The following CFHR3 variants were observed in gnomAD, a reference collection of about 807,000 sequenced individuals.
The protein encoded by CFHR3 is complement factor H-related protein 3.
Under a neutral mutation model 36.0 loss-of-function variants are expected in CFHR3, and 22 were observed. The ratio of observed to expected loss-of-function variants is 0.61; its 90% CI spans 0.44 to 0.87. The LOEUF (loss-of-function observed/expected upper bound fraction) is 0.87, where lower values mean the gene tolerates loss of function less well. Among genes scored for constraint, CFHR3 ranks in the 40% least tolerant of loss-of-function variants. The pLI, the probability that CFHR3 is intolerant of heterozygous loss-of-function variation, is 0.00. For synonymous variants in CFHR3, 97 were observed against 137.4 expected (o/e 0.71, Z 2.06); for missense variants, 276 against 401.3 (o/e 0.69, Z 2.67).
At chr1:196,779,445 T>C in intron 2 of CFHR3, 89 bp downstream of exon 2, 2 of 1,070,860 alleles carry the variant, frequency 1.9e-6, no homozygotes, top group East Asian at 2.4e-5. Context: ...TTGTCTTATG[T>C]AACAGAAATA....
rs1470687209 is a variant in CFHR3, at chr1:196,780,059, T to C, written c.430+86T>C. 4 of 1,471,448 alleles carry C rather than the reference T, an allele frequency of 2.7e-6. 1 individual carries two copies. The African/African-American group carries it at 5.1e-5, about 19-fold the overall frequency. The allele number at this position is 1,471,448 out of a possible 1,614,324, so 91.1% of individuals were successfully genotyped here. On this transcript the variant is annotated intron_variant, in intron 3 of 5. Transcript: ENST00000367425. ...GTCTCAGACTTGTCTATATTAACTG[T>C]GGCAAAATGTTTTTGTCAACTTGTT...
chr1:196,786,700 CGT>C (rs765048155), intron 3 of CFHR3, among the ~76,000 whole-genome samples: 3 of 136,834 alleles, frequency 2.2e-5, no homozygotes, highest in Non-Finnish European at 3.1e-5. Flanking sequence ...TTCCAGGTGC[CGT>C]GTGTCACCCC....
intron 3 of CFHR3, among the ~76,000 whole-genome samples, chr1:196,786,721 A>G (rs1008664697): frequency 1.5e-5 from 2 of 136,418 alleles, no homozygotes; most frequent in Admixed American, 1.4e-4. Context: ...CCTTTCTTTG[A>G]CTAGGAAAGG....
At position 196,795,131 on chromosome 1, in the gene CFHR3, A is replaced by G. The variant is rs1414429829; in HGVS notation, c.*1618A>G. On this transcript the variant is annotated 3_prime_UTR_variant, in exon 6 of 6. Coordinates refer to ENST00000367425, the MANE Select transcript of CFHR3 (RefSeq NM_021023.6). ...ATATGGTTTGGCTGTGTCCCACCCA[A>G]TTTTCACCTTGAATTATATAATCAC... 7 of 137,016 alleles carry G rather than the reference A, an allele frequency of 5.1e-5. No homozygotes were observed. The highest frequency in any genetic ancestry group is 1.1e-4 in the Non-Finnish European group (7 of 64,634). 8.5% of individuals were successfully genotyped at this position (137,016 alleles called of 1,614,324 possible).
At chr1:196,780,823 T>C (rs1188865773) in intron 3 of CFHR3, among the ~76,000 whole-genome samples, 1 of 135,166 alleles carries the variant, frequency 7.4e-6, no homozygotes, top group Non-Finnish European at 1.6e-5. Flanking sequence ...TATTATATTT[T>C]AAGTTTTAGG....
rs752848791 is a variant in CFHR3 at position 196,790,045 on chromosome 1, A to C, written c.614A>C (p.Asn205Thr). The change falls in exon 5 of 6, where the codon AAT (asparagine) becomes ACT (threonine). Residue 205 changes from asparagine (N) to threonine (T), a missense_variant and splice_region_variant. Asn to Thr is a moderately conservative substitution (Grantham distance 65). Coordinates refer to ENST00000367425, the MANE Select transcript of CFHR3 (RefSeq NM_021023.6). ...CCACATATAAAGTATTTTTTTTCAG[A>C]TTCTTCAGAAAAGTGTGGGCCTCCT... ...NGWSAQPICI[N>T]SSEKCGPPPP... 6 of 1,334,926 alleles carry C rather than the reference A, an allele frequency of 4.5e-6. 1 individual carries two copies. In the South Asian group the frequency reaches 8.7e-5, roughly 19 times the overall value. 82.7% of individuals were successfully genotyped at this position (1,334,926 alleles called of 1,614,324 possible).
Position 196,785,410 on chromosome 1 carries a change from G to A in CFHR3, c.431-2806G>A, listed in dbSNP as rs1379310223. Among the ~76,000 whole-genome samples, 2 of 134,086 alleles carry A rather than the reference G, an allele frequency of 1.5e-5. 1 individual carries two copies. The highest frequency in any genetic ancestry group is 3.1e-5 in the Non-Finnish European group (2 of 63,946). The allele number at this position is 134,086 out of a possible 152,430, so 88.0% of individuals were successfully genotyped here. The stretch of plus-strand genomic sequence containing the variant: ...ATCCTGCAGAGTGTTTTCCAACTTG[G>A]TTCCATTCTCCCCGTCACTTTCAGG... On this transcript the variant is annotated intron_variant, in intron 3 of 5. Transcript: ENST00000367425.
rs382776 is a variant in CFHR3, at chr1:196,795,388, C to T, written c.*1875C>T. ...AATGTGGAACTGTGAGTCCATTAAACCTCTTTCCTTTATAAATTACCTAGT... is the reference window on the plus strand; with the variant it reads ...AATGTGGAACTGTGAGTCCATTAAATCTCTTTCCTTTATAAATTACCTAGT... On this transcript the variant is annotated 3_prime_UTR_variant, in exon 6 of 6. Coordinates refer to ENST00000367425, the MANE Select transcript of CFHR3 (RefSeq NM_021023.6). The T allele has an allele frequency of 0.28, 37,850 of 135,786 alleles. 10,838 individuals carry two copies. Among genetic ancestry groups the T allele is most frequent in the East Asian group, 0.51 (2,562 of 5,062 alleles). 8.4% of individuals were successfully genotyped at this position (135,786 alleles called of 1,614,324 possible).
chr1:196,782,786 AC>A (rs1473684237), intron 3 of CFHR3, among the ~76,000 whole-genome samples: 1 of 136,714 alleles, frequency 7.3e-6, no homozygotes, highest in East Asian at 2.0e-4. Flanking sequence ...CTAATTGAAT[AC>A]CCTTTATTTC....
rs768536434 is a variant in CFHR3 at position 196,793,527 on chromosome 1, C to T, written c.*14C>T. On this transcript the variant is annotated 3_prime_UTR_variant, in exon 6 of 6. Transcript: ENST00000367425. Reference sequence around the variant, plus strand: ...AGATGCGAATAAGGCAGCATTGTTACCCTAAATGTATGTCCAACTTCCACT... The same window carrying T: ...AGATGCGAATAAGGCAGCATTGTTATCCTAAATGTATGTCCAACTTCCACT... The T allele has an allele frequency of 6.6e-7, 1 of 1,515,414 alleles. No individual in the cohort carries two copies. Among genetic ancestry groups the T allele is most frequent in the Non-Finnish European group, 8.9e-7 (1 of 1,120,238 alleles). 93.9% of individuals were successfully genotyped at this position (1,515,414 alleles called of 1,614,324 possible).
In CFHR3 at chr1:196,792,465, A is replaced by G. The variant is rs1264934217; in HGVS notation, c.797-852A>G. ...GGGTATGGGTTGATAGGTACAGCAA[A>G]CCACCATGGCACACATTTACCTATG... is the stretch of plus-strand genomic sequence containing the variant. On this transcript the variant is annotated intron_variant, in intron 5 of 5. Coordinates refer to ENST00000367425, the MANE Select transcript of CFHR3 (RefSeq NM_021023.6). Among the ~76,000 whole-genome samples the G allele has an allele frequency of 5.4e-5, 6 of 111,878 alleles. 1 individual carries two copies. Among genetic ancestry groups the G allele is most frequent in the Admixed American group, 4.3e-4 (5 of 11,532 alleles). The allele number at this position is 111,878 out of a possible 152,430, so 73.4% of individuals were successfully genotyped here. A position where few individuals can be genotyped will look rare whatever the true frequency, so the allele number is the denominator to read the frequency against.
Position 196,784,660 on chromosome 1 carries a change from A to T in CFHR3, c.431-3556A>T, listed in dbSNP as rs1172770770. 3.8e-4 allele frequency among the ~76,000 whole-genome samples: 51 copies of T among 135,252 alleles called. 13 individuals are homozygous for T. Among genetic ancestry groups the T allele is most frequent in the African/African-American group, 1.6e-3 (50 of 31,848 alleles). 88.7% of individuals were successfully genotyped at this position (135,252 alleles called of 152,430 possible). The stretch of plus-strand genomic sequence containing the variant: ...TTTTTGTTTTCCATTTGCTTGGTAG[A>T]TCTTCCTCCATCCTTTTATTTTGAG... On this transcript the variant is annotated intron_variant, in intron 3 of 5. Coordinates refer to ENST00000367425, the MANE Select transcript of CFHR3 (RefSeq NM_021023.6).
chr1:196,792,437 C>T (rs1654454996), intron 5 of CFHR3, among the ~76,000 whole-genome samples: 1 of 110,110 alleles, frequency 9.1e-6, no homozygotes, highest in South Asian at 3.0e-4. Context: ...GGCTTAATAC[C>T]TGGGGTATGG....
chr1:196,777,996 A>AG (rs1366632751), intron 1 of CFHR3, among the ~76,000 whole-genome samples: 1 of 133,512 alleles, frequency 7.5e-6, no homozygotes, highest in Non-Finnish European at 1.6e-5. Flanking sequence ...AAAAAAAAAA[A>AG]AAAAAAGAAA....
intron 3 of CFHR3, among the ~76,000 whole-genome samples, chr1:196,780,908 A>G (rs572755836): frequency 1.6e-5 from 2 of 128,146 alleles, no homozygotes; most frequent in East Asian, 2.1e-4. Context: ...CCATTAACTC[A>G]TCATTTAGCA....
chr1:196,779,100 C>G lies in CFHR3; in HGVS notation c.59-62C>G, dbSNP rs1195592459. 4.0e-6 allele frequency: 5 copies of G among 1,241,116 alleles called. 1 individual carries two copies. Among genetic ancestry groups the G allele is most frequent in the Non-Finnish European group, 4.5e-6 (4 of 895,032 alleles). 76.9% of individuals were successfully genotyped at this position (1,241,116 alleles called of 1,614,324 possible). A position where few individuals can be genotyped will look rare whatever the true frequency, so the allele number is the denominator to read the frequency against. ...GAGAGAAGGTGATATCAAAATTTATCTCTAATATGATTTATTACAGTAAAA... is the reference window on the plus strand; with the variant it reads ...GAGAGAAGGTGATATCAAAATTTATGTCTAATATGATTTATTACAGTAAAA... On this transcript the variant is annotated intron_variant, in intron 1 of 5. Transcript: ENST00000367425.
Position 196,789,676 on chromosome 1 carries a change from T to A in CFHR3, c.614-369T>A. 1.4e-6 allele frequency: 2 copies of A among 1,467,050 alleles called. 1 individual carries two copies. 90.9% of individuals were successfully genotyped at this position (1,467,050 alleles called of 1,614,324 possible). On this transcript the variant is annotated intron_variant, in intron 4 of 5. Transcript: ENST00000367425. ...ACACATTGGACTACGAATGCTACGA[T>A]GGATATGAAATCAGTTATGGAAACA...
At position 196,782,779 on chromosome 1, in the gene CFHR3, A is replaced by T. The variant is rs1006638325; in HGVS notation, c.430+2806A>T. 5.9e-5 allele frequency among the ~76,000 whole-genome samples: 8 copies of T among 136,750 alleles called. 1 individual carries two copies. Among genetic ancestry groups the T allele is most frequent in the Non-Finnish European group, 1.2e-4 (8 of 64,468 alleles). 89.7% of individuals were successfully genotyped at this position (136,750 alleles called of 152,430 possible). A position where few individuals can be genotyped will look rare whatever the true frequency, so the allele number is the denominator to read the frequency against. On this transcript the variant is annotated intron_variant, in intron 3 of 5. Coordinates refer to ENST00000367425, the MANE Select transcript of CFHR3 (RefSeq NM_021023.6). ...GACAATTTGACTTCCTCTTTTCCTA[A>T]TTGAATACCCTTTATTTCTTTCTCC... is the stretch of plus-strand genomic sequence containing the variant.
Position 196,793,636 on chromosome 1 carries a change from A to C in CFHR3, c.*123A>C. On this transcript the variant is annotated 3_prime_UTR_variant, in exon 6 of 6. Transcript: ENST00000367425. The stretch of plus-strand genomic sequence containing the variant: ...TAATTTCTACTTTATTTCAAAGAAA[A>C]TTAATATAATAGTTTCAATTTGCAA... The C allele has an allele frequency of 1.1e-6, 1 of 949,974 alleles. No individual in the cohort carries two copies. Among genetic ancestry groups the C allele is most frequent in the Non-Finnish European group, 1.5e-6 (1 of 655,102 alleles). 58.8% of individuals were successfully genotyped at this position (949,974 alleles called of 1,614,324 possible). A position where few individuals can be genotyped will look rare whatever the true frequency, so the allele number is the denominator to read the frequency against.
Sources: allele counts gnomAD v4.1 joint callset (sites outside exome capture counted in the v4.1 genomes callset), GRCh38; gene constraint gnomAD v4.1.1; transcripts MANE v1.5; gene names NCBI Gene and HGNC (gene_info 2026-07-23, HGNC 2026-07-21).